PLCB4: variants seen among roughly 807,000 people sequenced by gnomAD.
The protein encoded by PLCB4 is phospholipase C beta 4, also known as 1-phosphatidylinositol 4,5-bisphosphate phosphodiesterase beta-4.
Under a neutral mutation model 178.8 loss-of-function variants are expected in PLCB4, and 77 were observed. The observed-to-expected ratio is 0.43, with a 90% confidence interval of 0.36 to 0.52. The LOEUF (loss-of-function observed/expected upper bound fraction) is 0.52. Among genes scored for constraint, PLCB4 ranks in the 20% least tolerant of loss-of-function variants. The pLI, the probability that PLCB4 is intolerant of heterozygous loss-of-function variation, is 0.00. For synonymous variants in PLCB4, 496 were observed against 490.8 expected, an observed-to-expected ratio of 1.01 and a Z score of -0.14; for missense variants, 1,024 against 1,453.4, an observed-to-expected ratio of 0.70 and a Z score of 4.80.
intron 7 of PLCB4, among the ~76,000 whole-genome samples, chr20:9,360,203 C>T (rs2035200739): frequency 6.6e-6 from 1 of 152,214 alleles, no homozygotes; most frequent in South Asian, 2.1e-4. Flanking sequence ...GCAACCTTCC[C>T]TCCCAGTTCC....
intron 3 of PLCB4, among the ~76,000 whole-genome samples, chr20:9,297,229 T>C (rs963892056): frequency 5.3e-5 from 8 of 152,032 alleles, no homozygotes; most frequent in African/African-American, 1.7e-4. Context: ...AAAAAATTTC[T>C]TTCTAGCGGT....
At chr20:9,403,701 T>G (rs933627491) in intron 20 of PLCB4, among the ~76,000 whole-genome samples, 4 of 152,214 alleles carry the variant, frequency 2.6e-5, no homozygotes, top group African/African-American at 9.7e-5. Flanking sequence ...GTTGGCCACC[T>G]TTGATTGGCT....
At position 9,153,655 on chromosome 20, in the gene PLCB4, G is replaced by T. The variant is rs1031335115; in HGVS notation, c.-79+57313G>T. 4.6e-5 allele frequency among the ~76,000 whole-genome samples: 7 copies of T among 152,220 alleles called. No homozygotes were observed. In the South Asian group the frequency reaches 8.3e-4, roughly 18 times the overall value. On this transcript the variant is annotated intron_variant, in intron 2 of 39. Coordinates refer to ENST00000378473, the MANE Select transcript of PLCB4 (RefSeq NM_001377142.1). Reference sequence around the variant, plus strand: ...TAATACAATGGCTTTAAATTTATTTGTAATTGGATGTTTAAAGAGGAGCCA... The same window carrying T: ...TAATACAATGGCTTTAAATTTATTTTTAATTGGATGTTTAAAGAGGAGCCA...
intron 3 of PLCB4, among the ~76,000 whole-genome samples, chr20:9,292,894 C>T (rs1390877185): frequency 6.6e-6 from 1 of 152,112 alleles, no homozygotes; most frequent in Non-Finnish European, 1.5e-5. Context: ...GCCTGGCCAA[C>T]ATGGCGAAAC....
At chr20:9,437,741 GAAATGAGTC>G (rs2148650600) in intron 30 of PLCB4, among the ~76,000 whole-genome samples, 1 of 152,310 alleles carries the variant, frequency 6.6e-6, no homozygotes, top group South Asian at 2.1e-4. Flanking sequence ...AAGGTCATGG[GAAATGAGTC>G]AAAGGAGTAT....
At chr20:9,174,782 G>A (rs913270188) in intron 2 of PLCB4, among the ~76,000 whole-genome samples, 14 of 152,100 alleles carry the variant, frequency 9.2e-5, no homozygotes, top group Non-Finnish European at 2.9e-5. Flanking sequence ...TTTATCAGCA[G>A]AACATAGTGT....
At chr20:9,195,786 T>C (rs1418710003) in intron 2 of PLCB4, among the ~76,000 whole-genome samples, 2 of 152,130 alleles carry the variant, frequency 1.3e-5, no homozygotes, top group Non-Finnish European at 2.9e-5. Flanking sequence ...TTAGAATAAA[T>C]CTCAGTTTAT....
At chr20:9,473,611 A>C (rs531314148) in intron 38 of PLCB4, among the ~76,000 whole-genome samples, 1 of 152,338 alleles carries the variant, frequency 6.6e-6, no homozygotes, top group South Asian at 2.1e-4. Context: ...GATTATGTGA[A>C]TTCTAAGAAT....
Position 9,368,409 on chromosome 20 carries a change from C to A in PLCB4, c.504-2805C>A, listed in dbSNP as rs990111297. ...TAGCAATTCTCTTTTGCCACCTTCC[C>A]TCCTCTCTCGTAACCTGGAGTGAAC... On this transcript the variant is annotated intron_variant, in intron 9 of 39. Transcript: ENST00000378473. Among the ~76,000 whole-genome samples, 5 of 152,302 alleles carry A rather than the reference C, an allele frequency of 3.3e-5. No homozygotes were observed. In the East Asian group the frequency reaches 7.7e-4, roughly 24 times the overall value.
intron 3 of PLCB4, among the ~76,000 whole-genome samples, chr20:9,289,863 A>C (rs1330584467): frequency 6.6e-6 from 1 of 152,130 alleles, no homozygotes; most frequent in Non-Finnish European, 1.5e-5. Context: ...TCAAGAGAGT[A>C]TATAACTTCA....
chr20:9,102,665 A>G (rs2091202315), intron 2 of PLCB4, among the ~76,000 whole-genome samples: 1 of 152,196 alleles, frequency 6.6e-6, no homozygotes, highest in Admixed American at 6.5e-5. Flanking sequence ...AACAGAAATA[A>G]CTACTTATGT....
chr20:9,454,562 G>A (rs2042949480), intron 33 of PLCB4, among the ~76,000 whole-genome samples: 1 of 152,068 alleles, frequency 6.6e-6, no homozygotes. Context: ...TGGGTTTTTT[G>A]GCATTTGGTT....
At chr20:9,424,009 T>C in intron 28 of PLCB4, 57 bp downstream of exon 28, 1 of 1,109,142 alleles carries the variant, frequency 9.0e-7, no homozygotes, top group Non-Finnish European at 1.4e-6. Flanking sequence ...GATTATAAGA[T>C]TATAAAACAT....
At chr20:9,456,834 T>C (rs1282266658) in intron 33 of PLCB4, among the ~76,000 whole-genome samples, 1 of 152,194 alleles carries the variant, frequency 6.6e-6, no homozygotes, top group Non-Finnish European at 1.5e-5. Context: ...TCAGGACCTG[T>C]TCTTGTTTCA....
At chr20:9,404,036 T>C (rs2039243272) in intron 20 of PLCB4, among the ~76,000 whole-genome samples, 1 of 152,164 alleles carries the variant, frequency 6.6e-6, no homozygotes, top group Admixed American at 6.5e-5. Flanking sequence ...GAGCAAGAAA[T>C]GGACTGGTGG....
chr20:9,300,248 G>T (rs1053843081), intron 3 of PLCB4, among the ~76,000 whole-genome samples: 2 of 152,160 alleles, frequency 1.3e-5, no homozygotes, highest in African/African-American at 2.4e-5. Context: ...AAACAACTTT[G>T]GTTGTGCCAT....
At chr20:9,438,597 T>C (rs191671073) in intron 30 of PLCB4, among the ~76,000 whole-genome samples, 5 of 152,044 alleles carry the variant, frequency 3.3e-5, no homozygotes, top group Admixed American at 2.6e-4. Flanking sequence ...GGCAGAAATA[T>C]GCAATTACCA....
intron 2 of PLCB4, among the ~76,000 whole-genome samples, chr20:9,150,835 G>GT (rs2092679262): frequency 6.6e-6 from 1 of 152,172 alleles, no homozygotes; most frequent in African/African-American, 2.4e-5. Flanking sequence ...CTAGCAAAGT[G>GT]TAGGTGTTGT....
intron 4 of PLCB4, among the ~76,000 whole-genome samples, chr20:9,309,378 C>A (rs1002505375): frequency 6.6e-6 from 1 of 152,196 alleles, no homozygotes; most frequent in African/African-American, 2.4e-5. Flanking sequence ...ATGTCCACTT[C>A]TGTGATATCT....
Sources: gnomAD v4.1 joint callset for allele counts (sites outside exome capture counted in the v4.1 genomes callset) on GRCh38, gnomAD v4.1.1 for gene constraint, MANE v1.5 for transcripts, NCBI Gene and HGNC (gene_info 2026-07-23, HGNC 2026-07-21) for gene names.